Variants in CNBD2 observed in about 807,000 individuals in gnomAD.
The protein encoded by CNBD2 is cyclic nucleotide-binding domain-containing protein 2.
A neutral mutation model predicts 63.7 loss-of-function variants in CNBD2; 64 were observed. The observed-to-expected ratio is 1.00, with a 90% CI of 0.82 to 1.24. CNBD2 has a LOEUF of 1.24. Among genes scored for constraint, CNBD2 ranks in the 50% most tolerant of loss-of-function variants. The pLI, the probability that CNBD2 is intolerant of heterozygous loss-of-function variation, is 0.00. For synonymous variants in CNBD2, 229 were observed against 255.4 expected, an observed-to-expected ratio of 0.90 and a Z score of 0.99; for missense variants, 691 against 713.5, an observed-to-expected ratio of 0.97 and a Z score of 0.36.
At chr20:36,018,730 G>T (rs2057168193) in intron 10 of CNBD2, among the ~76,000 whole-genome samples, 1 of 152,218 alleles carries the variant, frequency 6.6e-6, no homozygotes, top group Non-Finnish European at 1.5e-5. Context: ...CAAGGAACAG[G>T]CAGGCTGAGG....
chr20:36,000,593 C>G (rs961378407), intron 8 of CNBD2, among the ~76,000 whole-genome samples: 1 of 151,804 alleles, frequency 6.6e-6, no homozygotes, highest in African/African-American at 2.4e-5. Flanking sequence ...GAGTCTTGCT[C>G]TTGTCACCCA....
intron 10 of CNBD2, among the ~76,000 whole-genome samples, chr20:36,023,196 C>T (rs866284683): frequency 6.6e-6 from 1 of 152,136 alleles, no homozygotes; most frequent in Admixed American, 6.6e-5. Flanking sequence ...GATAAATTCA[C>T]CTCCTGTTTG....
intron 10 of CNBD2, among the ~76,000 whole-genome samples, chr20:36,017,410 C>CT (rs919906700): frequency 6.6e-6 from 1 of 152,112 alleles, no homozygotes; most frequent in Non-Finnish European, 1.5e-5. Context: ...GTGCATGCTC[C>CT]TTCCCTCCAC....
chr20:35,974,386 A>G (rs2056469066), intron 2 of CNBD2: 2 of 153,810 alleles, frequency 1.3e-5, no homozygotes, highest in Admixed American at 6.5e-5. Flanking sequence ...TGGTTACCAG[A>G]AGACGTGGCC....
At chr20:35,957,682 A>ATATAT (rs1461006597), downstream of CNBD2, 11 of 152,352 alleles carry the variant, frequency 7.2e-5, no homozygotes, top group African/African-American at 2.2e-4. Flanking sequence ...GATTAAGCTT[A>ATATAT]AAATATACAT....
rs1454832029 is a variant in CNBD2 at position 35,976,121 on chromosome 20, T to C, written c.243+119T>C. The C allele has an allele frequency of 3.5e-6, 3 of 849,190 alleles. No homozygotes were observed. The African/African-American group carries it at 5.1e-5, about 14-fold the overall frequency. The allele number at this position is 849,190 out of a possible 1,614,324, so 52.6% of individuals were successfully genotyped here. On this transcript the variant is annotated intron_variant, in intron 3 of 11. Transcript: ENST00000373973. ...GTCTAGGCTCTGCCACCAACTCAGC[T>C]TGTCACCCTGGGTTGGCCACTTCGT...
intron 1 of CNBD2, among the ~76,000 whole-genome samples, chr20:35,971,526 C>T (rs914976232): frequency 1.3e-5 from 2 of 152,178 alleles, no homozygotes; most frequent in Non-Finnish European, 2.9e-5. Context: ...AGTGATTCTC[C>T]TGCCTCAGCC....
intron 10 of CNBD2, among the ~76,000 whole-genome samples, chr20:36,020,786 A>G (rs1360499368): frequency 6.6e-6 from 1 of 152,096 alleles, no homozygotes; most frequent in African/African-American, 2.4e-5. Context: ...TTCCCACTGT[A>G]CTCAACATGA....
chr20:35,988,382 G>C (rs2056698149), intron 7 of CNBD2, among the ~76,000 whole-genome samples: 1 of 151,436 alleles, frequency 6.6e-6, no homozygotes, highest in Non-Finnish European at 1.5e-5. Flanking sequence ...TACTGGCCAG[G>C]CTGGTTTCAA....
chr20:35,981,303 G>A (rs2056596513), intron 4 of CNBD2, among the ~76,000 whole-genome samples: 1 of 152,134 alleles, frequency 6.6e-6, no homozygotes, highest in African/African-American at 2.4e-5. Context: ...TCTGGCTCTA[G>A]CTCTAGTCAT....
intron 8 of CNBD2, among the ~76,000 whole-genome samples, chr20:35,996,989 G>C (rs2056833995): frequency 6.6e-6 from 1 of 152,162 alleles, no homozygotes; most frequent in African/African-American, 2.4e-5. Context: ...TCCATTTCCT[G>C]TTGTTGGACA....
intron 11 of CNBD2, among the ~76,000 whole-genome samples, chr20:36,028,067 T>C (rs2057302260): frequency 6.6e-6 from 1 of 152,200 alleles, no homozygotes; most frequent in Non-Finnish European, 1.5e-5. Context: ...TGGCGGTTCC[T>C]TCTGGTTCAA....
intron 9 of CNBD2, 65 bp downstream of exon 9, chr20:36,008,539 ATG>A: frequency 6.8e-7 from 1 of 1,463,242 alleles, no homozygotes; most frequent in East Asian, 2.3e-5. Flanking sequence ...TAATACTTAT[ATG>A]GCAGAATGTC....
At chr20:35,983,822 T>C (rs1331652775) in intron 4 of CNBD2, among the ~76,000 whole-genome samples, 160 bp from the exon 5 acceptor site, 1 of 152,192 alleles carries the variant, frequency 6.6e-6, no homozygotes, top group Non-Finnish European at 1.5e-5. Flanking sequence ...AGTGAAAGGC[T>C]CCAGCTTGAC....
chr20:35,963,073 G>C (rs374794228), intron 2 of CNBD2, among the ~76,000 whole-genome samples: 2 of 152,224 alleles, frequency 1.3e-5, no homozygotes, highest in South Asian at 2.1e-4. Flanking sequence ...GCTGGGCGTG[G>C]TGGCTCACAT....
intron 2 of CNBD2, chr20:35,973,305 T>C (rs1362426428): frequency 1.9e-5 from 3 of 155,914 alleles, no homozygotes; most frequent in Non-Finnish European, 4.2e-5. Context: ...ATAACCAGGG[T>C]TTTCTAAATG....
intron 2 of CNBD2, chr20:35,975,083 G>A (rs1354065730): frequency 1.4e-5 from 2 of 141,914 alleles, no homozygotes; most frequent in Non-Finnish European, 3.0e-5. Context: ...CTCACTGCAA[G>A]CTCCGCCTCC....
chr20:35,989,406 A>G (rs903867106), intron 7 of CNBD2, among the ~76,000 whole-genome samples: 1 of 152,220 alleles, frequency 6.6e-6, no homozygotes, highest in Non-Finnish European at 1.5e-5. Context: ...GATTCCACAC[A>G]TAGACAAAGA....
intron 7 of CNBD2, among the ~76,000 whole-genome samples, chr20:35,992,132 C>T (rs1190623368): frequency 3.3e-5 from 5 of 152,146 alleles, no homozygotes; most frequent in African/African-American, 9.7e-5. Context: ...CCACCCTCCT[C>T]GGCCTCCCAA....
Sources: allele counts gnomAD v4.1 joint callset (sites outside exome capture counted in the v4.1 genomes callset), GRCh38; gene constraint gnomAD v4.1.1; transcripts MANE v1.5; gene names NCBI Gene and HGNC (gene_info 2026-07-23, HGNC 2026-07-21).